Variants in DIXDC1 observed in about 807,000 individuals in gnomAD.
The protein encoded by DIXDC1 is dixin.
In DIXDC1, 64 loss-of-function variants were observed where a neutral mutation model predicts 103.1. That is an observed-to-expected ratio of 0.62 (90% CI 0.51 to 0.76). The LOEUF (loss-of-function observed/expected upper bound fraction) is 0.76. Among genes scored for constraint, DIXDC1 ranks in the 30% least tolerant of loss-of-function variants. The pLI is 0.00. For synonymous variants in DIXDC1, 266 were observed against 298.5 expected (o/e 0.89, Z 1.12); for missense variants, 759 against 834.2 (o/e 0.91, Z 1.11).
intron 1 of DIXDC1, among the ~76,000 whole-genome samples, chr11:111,964,031 A>G (rs1859652344): frequency 6.6e-6 from 1 of 152,228 alleles, no homozygotes; most frequent in Non-Finnish European, 1.5e-5. Flanking sequence ...CTTAAGTCTC[A>G]TTTTGAAGAA....
At chr11:111,940,958 A>C (rs1348409759) in intron 1 of DIXDC1, among the ~76,000 whole-genome samples, 1 of 152,178 alleles carries the variant, frequency 6.6e-6, no homozygotes, top group Non-Finnish European at 1.5e-5. Context: ...CAGACCAGTG[A>C]AGAGGAAGTA....
chr11:112,004,066 G>GTA lies in DIXDC1; in HGVS notation c.1756+7928_1756+7929dup, dbSNP rs1176429824. On this transcript the variant is annotated intron_variant, in intron 17 of 19. Coordinates refer to ENST00000440460, the MANE Select transcript of DIXDC1 (RefSeq NM_001037954.4). Reference sequence around the variant, plus strand: ...TATATATATGTATGTATATATATGTGTATATATATGTGTGTGTATATGTGT... The same window carrying GTA: ...TATATATATGTATGTATATATATGTGTATATATATATGTGTGTGTATATGTGT... 2.3e-3 allele frequency among the ~76,000 whole-genome samples: 331 copies of GTA among 145,116 alleles called. 2 individuals are homozygous for GTA. The highest frequency in any genetic ancestry group is 5.1e-4 in the Non-Finnish European group (34 of 66,686).
intron 1 of DIXDC1, among the ~76,000 whole-genome samples, chr11:111,955,621 G>A (rs1966899839): frequency 6.6e-6 from 1 of 151,402 alleles, no homozygotes; most frequent in African/African-American, 2.4e-5. Flanking sequence ...GATCACTTAA[G>A]GTCATGAGTT....
At chr11:112,016,827 T>C in intron 18 of DIXDC1, 31 bp downstream of exon 18, 1 of 1,558,850 alleles carries the variant, frequency 6.4e-7, no homozygotes, top group Non-Finnish European at 8.7e-7. Context: ...TATTTCACTG[T>C]AAAGAAGGAA....
chr11:111,993,584 AC>A lies in DIXDC1; in HGVS notation c.1363del (p.Gln455ArgfsTer4), dbSNP rs1555174837. On this transcript the variant is annotated frameshift_variant, in exon 13 of 20. Coordinates refer to ENST00000440460, the MANE Select transcript of DIXDC1 (RefSeq NM_001037954.4). LOFTEE classifies it high-confidence loss of function. ...ALRKLSDVSY[H>X]QVDLERELEH... ...CGGAAACTCTCTGATGTCAGTTACC[AC>A]CAGGTCAGAACATATTCAGCCACTG... 1 of 1,614,030 alleles carries A rather than the reference AC, an allele frequency of 6.2e-7. No individual in the cohort carries two copies. Among genetic ancestry groups the A allele is most frequent in the Admixed American group, 1.7e-5 (1 of 60,024 alleles).
At chr11:111,960,548 C>A (rs1859538965) in intron 1 of DIXDC1, among the ~76,000 whole-genome samples, 3 of 149,236 alleles carry the variant, frequency 2.0e-5, no homozygotes, top group Admixed American at 2.0e-4. Context: ...GAGCCGAGAT[C>A]ATGCCACTGC....
chr11:111,972,866 G>A (rs987037491), intron 3 of DIXDC1, among the ~76,000 whole-genome samples: 5 of 151,340 alleles, frequency 3.3e-5, no homozygotes, highest in South Asian at 2.1e-4. Context: ...CAAGACCAGC[G>A]TGGCCAACAT....
intron 1 of DIXDC1, among the ~76,000 whole-genome samples, chr11:111,942,133 C>T (rs1362301771): frequency 2.6e-5 from 4 of 152,186 alleles, no homozygotes; most frequent in African/African-American, 9.7e-5. Flanking sequence ...TCTATCCTGC[C>T]TGATTTCTCC....
At chr11:111,993,070 C>T in intron 12 of DIXDC1, 66 bp downstream of exon 12, 2 of 1,489,336 alleles carry the variant, frequency 1.3e-6, no homozygotes, top group Non-Finnish European at 1.8e-6. Flanking sequence ...GTTATTGTTG[C>T]TCAAAAAGCA....
Position 111,995,520 on chromosome 11 carries a change from G to A in DIXDC1, c.1645G>A (p.Glu549Lys), listed in dbSNP as rs587693838. 4 of 1,613,948 alleles carry A rather than the reference G, an allele frequency of 2.5e-6. No homozygotes were observed. The South Asian group carries it at 4.4e-5, about 18-fold the overall frequency. The change falls in exon 16 of 20, where the codon GAG (glutamate) becomes AAG (lysine). Residue 549 changes from glutamate (E) to lysine (K), a missense_variant. By Grantham distance (56) the Glu-to-Lys change is moderately conservative (BLOSUM62 1). Transcript: ENST00000440460. ...GGAGCAGGGCATTTCTAGCCTCATGGAGCGCCTGCATGTTATGGAGACGCA... is the reference window on the plus strand; with the variant it reads ...GGAGCAGGGCATTTCTAGCCTCATGAAGCGCCTGCATGTTATGGAGACGCA... ...SLEQGISSLM[E>K]RLHVMETQKK...
intron 1 of DIXDC1, chr11:111,946,868 A>G: frequency 2.7e-6 from 1 of 364,278 alleles, no homozygotes; most frequent in Non-Finnish European, 5.7e-6. Flanking sequence ...AAAAGCCTAC[A>G]ATGGTATGCC....
chr11:111,996,573 G>A (rs1179824084), intron 17 of DIXDC1, among the ~76,000 whole-genome samples: 3 of 152,150 alleles, frequency 2.0e-5, no homozygotes, highest in African/African-American at 2.4e-5. Flanking sequence ...TGCTCAGGCC[G>A]GGCGCGGTGG....
intron 11 of DIXDC1, among the ~76,000 whole-genome samples, chr11:111,992,738 A>G (rs587594807): frequency 6.6e-6 from 1 of 152,232 alleles, no homozygotes; most frequent in African/African-American, 2.4e-5. Flanking sequence ...CTCCTCTTCA[A>G]CTTTGAGGAC....
rs1555175371 is a variant in DIXDC1 at position 111,996,080 on chromosome 11, G to C, written c.1690G>C (p.Val564Leu). The change falls in exon 17 of 20, where the codon GTT becomes CTT. Residue 564 changes from valine to leucine, a missense_variant and splice_region_variant. Around this residue, in one of 3 missense-constraint regions of DIXDC1, gnomAD observed 657 missense variants for 727.5 expected, o/e 0.90. Coordinates refer to ENST00000440460, the MANE Select transcript of DIXDC1 (RefSeq NM_001037954.4). ...TTGTGATTTTTGTGTGGCTCCCCAG[G>C]TTCGGGTCAAGTCACCCAGAACTCA... ...METQKKQERKVRVKSPRTQVG... is the reference protein window; with the variant it reads ...METQKKQERKLRVKSPRTQVG... 6.2e-7 allele frequency: 1 copy of C among 1,613,520 alleles called. No homozygotes were observed.
At chr11:112,013,399 GT>G (rs1173909469) in intron 17 of DIXDC1, among the ~76,000 whole-genome samples, 2 of 151,224 alleles carry the variant, frequency 1.3e-5, no homozygotes, top group African/African-American at 4.9e-5. Flanking sequence ...TATGGTAACT[GT>G]TTTGCTATTT....
At chr11:111,940,756 A>G (rs1215908158) in intron 1 of DIXDC1, among the ~76,000 whole-genome samples, 1 of 152,212 alleles carries the variant, frequency 6.6e-6, no homozygotes, top group Non-Finnish European at 1.5e-5. Flanking sequence ...GTGTACTGAT[A>G]TGAAAAGGAC....
chr11:111,950,410 GTATATATATATATATATATA>G (rs1555169787), intron 1 of DIXDC1, among the ~76,000 whole-genome samples: 1 of 25,034 alleles, frequency 4.0e-5, no homozygotes, highest in Admixed American at 8.2e-4. Flanking sequence ...TACAAAGTAG[GTATATATATATATATATATA>G]TATATATATT....
At chr11:112,015,677 C>T (rs1181950242) in intron 17 of DIXDC1, among the ~76,000 whole-genome samples, 2 of 151,694 alleles carry the variant, frequency 1.3e-5, no homozygotes, top group Non-Finnish European at 2.9e-5. Context: ...TGGCACACAC[C>T]TGTTATCCCA....
rs141592453 is a variant in DIXDC1 at position 111,968,700 on chromosome 11, G to A, written c.316+62G>A. The A allele has an allele frequency of 1.7e-4, 251 of 1,476,994 alleles. No individual in the cohort carries two copies. The African/African-American group carries it at 3.1e-3, about 18-fold the overall frequency. The allele number at this position is 1,476,994 out of a possible 1,614,324, so 91.5% of individuals were successfully genotyped here. A position where few individuals can be genotyped will look rare whatever the true frequency, so the allele number is the denominator to read the frequency against. On this transcript the variant is annotated intron_variant, in intron 3 of 19. Transcript: ENST00000440460. ...CTTTAACCAGTGAGTGCTAGCCTCAGGAAAATCCTTGGCTGTAACCTGGGG... is the reference window on the plus strand; with the variant it reads ...CTTTAACCAGTGAGTGCTAGCCTCAAGAAAATCCTTGGCTGTAACCTGGGG...
Sources: gnomAD v4.1 joint callset for allele counts (sites outside exome capture counted in the v4.1 genomes callset) on GRCh38, gnomAD v4.1.1 for gene constraint, gnomAD v4.1.1 regional missense constraint, MANE v1.5 for transcripts, NCBI Gene and HGNC (gene_info 2026-07-23, HGNC 2026-07-21) for gene names.